The following ATP11A variants were observed in gnomAD, a reference collection of about 807,000 sequenced individuals.
ATP11A encodes the protein phospholipid-transporting ATPase IH.
ATP11A carries 81 observed loss-of-function variants against 154.4 expected under a neutral mutation model. The observed-to-expected ratio is 0.52, with a 90% CI of 0.44 to 0.63. The LOEUF (loss-of-function observed/expected upper bound fraction) is 0.63, where lower values mean the gene tolerates loss of function less well. ATP11A is among the 30% of genes least tolerant of loss of function. The pLI, the probability that ATP11A is intolerant of heterozygous loss-of-function variation, is 0.00. For missense variants in ATP11A, 1,316 were observed against 1,474.3 expected (o/e 0.89, Z 1.76); for synonymous variants, 623 against 585.9 (o/e 1.06, Z -0.91).
chr13:112,815,656 T>C (rs887928665), intron 5 of ATP11A, among the ~76,000 whole-genome samples: 3 of 152,276 alleles, frequency 2.0e-5, no homozygotes, highest in African/African-American at 7.2e-5. Context: ...GTTGCCACTT[T>C]TGCTTTATTT....
rs368224139 is a variant in ATP11A, at chr13:112,818,288, A to G, written c.571-1016A>G. Among the ~76,000 whole-genome samples the G allele has an allele frequency of 9.2e-5, 13 of 141,326 alleles. No homozygotes were observed. In the South Asian group the frequency reaches 3.0e-3, roughly 32 times the overall value. The allele number at this position is 141,326 out of a possible 152,430, so 92.7% of individuals were successfully genotyped here. A position where few individuals can be genotyped will look rare whatever the true frequency, so the allele number is the denominator to read the frequency against. Reference sequence around the variant, plus strand: ...GCGATGACCGTTGGTGCGCTTGGTGACAGGCGATGACCGTTGGTGCGCTTG... The same window carrying G: ...GCGATGACCGTTGGTGCGCTTGGTGGCAGGCGATGACCGTTGGTGCGCTTG... On this transcript the variant is annotated intron_variant, in intron 6 of 29. Coordinates refer to ENST00000375645, the MANE Select transcript of ATP11A (RefSeq NM_015205.3).
chr13:112,770,925 A>G (rs962439482), intron 1 of ATP11A, among the ~76,000 whole-genome samples: 6 of 152,194 alleles, frequency 3.9e-5, no homozygotes, highest in Non-Finnish European at 8.8e-5. Context: ...ATACCTGTAC[A>G]TTTGAATACC....
chr13:112,827,964 T>C (rs1594810937), intron 12 of ATP11A, among the ~76,000 whole-genome samples: 1 of 152,396 alleles, frequency 6.6e-6, no homozygotes, highest in Non-Finnish European at 1.5e-5. Flanking sequence ...GTCAGGTATT[T>C]TTATCTAGGA....
chr13:112,875,783 C>T lies in ATP11A; in HGVS notation c.3169C>T (p.Leu1057Phe). ...CTCTTCCCTGCCCCTCAGGCCGTTC[C>T]TCAACTACCAGAGGATGTACTACGT... ...LLWGGVIWPFLNYQRMYYVFI... is the reference protein window; with the variant it reads ...LLWGGVIWPFFNYQRMYYVFI... The change falls in exon 28 of 30, where the codon CTC becomes TTC. Residue 1057 changes from leucine to phenylalanine, a missense_variant. Physicochemically the swap from Leu to Phe is conservative, Grantham distance 22. Around this residue, in one of 5 missense-constraint regions of ATP11A, gnomAD observed 294 missense variants for 290.2 expected, o/e 1.01. Coordinates refer to ENST00000375645, the MANE Select transcript of ATP11A (RefSeq NM_015205.3). The surrounding 1 kb of genome is among the most constrained non-coding windows in gnomAD (Gnocchi z 4.1). The T allele has an allele frequency of 6.2e-7, 1 of 1,613,414 alleles. No homozygotes were observed. Among genetic ancestry groups the T allele is most frequent in the East Asian group, 2.2e-5 (1 of 44,852 alleles).
intron 1 of ATP11A, among the ~76,000 whole-genome samples, chr13:112,774,588 G>T (rs1379536340): frequency 6.6e-6 from 1 of 152,226 alleles, no homozygotes; most frequent in Non-Finnish European, 1.5e-5. Context: ...CACAGTTGCG[G>T]CTCATTTCAA....
intron 17 of ATP11A, among the ~76,000 whole-genome samples, chr13:112,843,560 C>G (rs1376412119): frequency 6.6e-6 from 1 of 152,206 alleles, no homozygotes; most frequent in African/African-American, 2.4e-5. Flanking sequence ...CACTGGAAAA[C>G]AAGACTTCCA....
At position 112,799,503 on chromosome 13, in the gene ATP11A, G is replaced by C. The variant is rs575268044; in HGVS notation, c.163-5454G>C. 1.9e-4 allele frequency among the ~76,000 whole-genome samples: 29 copies of C among 152,158 alleles called. No homozygotes were observed. The East Asian group carries it at 5.0e-3, about 26-fold the overall frequency. ...TTATCCCTTGTGGGCAGGGGCGGGG[G>C]TCACAAGGTGCAGGGTGGGGAGGTC... On this transcript the variant is annotated intron_variant, in intron 2 of 29. Transcript: ENST00000375645.
At position 112,859,958 on chromosome 13, in the gene ATP11A, C is replaced by T. The variant is rs2080053474; in HGVS notation, c.2728-329C>T. 1.3e-5 allele frequency among the ~76,000 whole-genome samples: 2 copies of T among 152,164 alleles called. No individual in the cohort carries two copies. ...GCTCAGTGGTTGGCGGGCCAGCTGC[C>T]TTCATGGGAAGTGACTGCGACCAGA... On this transcript the variant is annotated intron_variant, in intron 23 of 29. Coordinates refer to ENST00000375645, the MANE Select transcript of ATP11A (RefSeq NM_015205.3). The surrounding 1 kb of genome is among the most constrained non-coding windows in gnomAD (Gnocchi z 4.3).
chr13:112,854,281 T>C lies in ATP11A; in HGVS notation c.1994T>C (p.Leu665Pro). 1.2e-6 allele frequency: 2 copies of C among 1,614,058 alleles called. No homozygotes were observed. Among genetic ancestry groups the C allele is most frequent in the Non-Finnish European group, 8.5e-7 (1 of 1,179,992 alleles). ...LLGATAVEDR[L>P]QEKAADTIEA... is the part of the protein sequence containing the mutation. ...GTGTTTGGTTTTGCCTCCCTCAGGC[T>C]GCAGGAGAAAGCTGCAGACACCATC... The change falls in exon 19 of 30, where the codon CTG (leucine) becomes CCG (proline). Residue 665 changes from leucine (L) to proline (P), a missense_variant and splice_region_variant. By Grantham distance (98) the Leu-to-Pro change is moderately conservative. This residue lies in a region of ATP11A where 876 missense variants were observed against 1,006.8 expected (regional missense o/e 0.87). Coordinates refer to ENST00000375645, the MANE Select transcript of ATP11A (RefSeq NM_015205.3).
At chr13:112,818,636 A>T (rs1399198581) in intron 6 of ATP11A, among the ~76,000 whole-genome samples, 3 of 152,116 alleles carry the variant, frequency 2.0e-5, no homozygotes, top group Admixed American at 6.5e-5. Context: ...GTGCTCACAG[A>T]TGCTACTGAG....
intron 15 of ATP11A, 128 bp downstream of exon 15, chr13:112,834,788 A>C (rs893448727): frequency 2.9e-6 from 2 of 699,734 alleles, no homozygotes; most frequent in South Asian, 1.8e-5. Flanking sequence ...TCTCCTTCCC[A>C]GTGACACCCC....
At chr13:112,788,813 C>G (rs560939309) in intron 2 of ATP11A, among the ~76,000 whole-genome samples, 1 of 145,558 alleles carries the variant, frequency 6.9e-6, no homozygotes, top group African/African-American at 2.6e-5. Flanking sequence ...TTAATTCACA[C>G]CCAGCATCCT....
intron 1 of ATP11A, among the ~76,000 whole-genome samples, chr13:112,749,889 G>C (rs2076653971): frequency 7.7e-6 from 1 of 129,542 alleles, no homozygotes; most frequent in Non-Finnish European, 1.6e-5. Flanking sequence ...TGAAGGACGC[G>C]GGGTTGAATC....
rs559625569 is a variant in ATP11A at position 112,730,163 on chromosome 13, G to T, written c.39+39708G>T. On this transcript the variant is annotated intron_variant, in intron 1 of 29. Transcript: ENST00000375645. ...CCACGGACCACATGGGAGCCGTGGGGCTGGTGACCTGGAAGGGGGCATCCT... is the reference window on the plus strand; with the variant it reads ...CCACGGACCACATGGGAGCCGTGGGTCTGGTGACCTGGAAGGGGGCATCCT... Among the ~76,000 whole-genome samples, 10 of 152,346 alleles carry T rather than the reference G, an allele frequency of 6.6e-5. No individual in the cohort carries two copies. The South Asian group carries it at 1.9e-3, about 28-fold the overall frequency.
chr13:112,796,710 TC>T (rs1452713275), intron 2 of ATP11A, among the ~76,000 whole-genome samples: 1 of 152,212 alleles, frequency 6.6e-6, no homozygotes, highest in African/African-American at 2.4e-5. Flanking sequence ...CATACACCTG[TC>T]CTAACTACTT....
chr13:112,701,985 G>A (rs370792130), intron 1 of ATP11A, among the ~76,000 whole-genome samples: 29 of 152,254 alleles, frequency 1.9e-4, no homozygotes, highest in African/African-American at 5.8e-4. Context: ...ACACATGCCT[G>A]AGGAGATGGA....
intron 1 of ATP11A, among the ~76,000 whole-genome samples, chr13:112,742,485 G>T (rs770597154): frequency 6.6e-6 from 1 of 152,206 alleles, no homozygotes; most frequent in African/African-American, 2.4e-5. Flanking sequence ...GTCTGATTTC[G>T]TAGTCTGGAT....
At chr13:112,811,766 A>T (rs551903213) in intron 5 of ATP11A, 1 of 152,234 alleles carries the variant, frequency 6.6e-6, no homozygotes, top group South Asian at 2.1e-4. Flanking sequence ...CACCACACCC[A>T]GCTAATTTTT....
In ATP11A at chr13:112,755,295, TCTG is replaced by T. The variant is rs145008158; in HGVS notation, c.40-29837_40-29835del. 3.9e-3 allele frequency among the ~76,000 whole-genome samples: 595 copies of T among 152,264 alleles called. 3 individuals are homozygous for T. The highest frequency in any genetic ancestry group is 0.014 in the African/African-American group (567 of 41,546). On this transcript the variant is annotated intron_variant, in intron 1 of 29. Coordinates refer to ENST00000375645, the MANE Select transcript of ATP11A (RefSeq NM_015205.3). ...CAGAGGTCGCTGGGTTTTCGTGTCT[TCTG>T]CTTTCCATTGCACAGTCCCACCCTC...
Sources: gnomAD v4.1 joint callset for allele counts (sites outside exome capture counted in the v4.1 genomes callset) on GRCh38, gnomAD v4.1.1 for gene constraint, gnomAD v4.1.1 regional missense constraint, Gnocchi (gnomAD v3.1) non-coding constraint, MANE v1.5 for transcripts, NCBI Gene and HGNC (gene_info 2026-07-23, HGNC 2026-07-21) for gene names.